SEMA3E: variants seen among roughly 807,000 people sequenced by gnomAD.
SEMA3E encodes semaphorin-3E.
In SEMA3E, 49 loss-of-function variants were observed where a neutral mutation model predicts 93.6. The observed-to-expected ratio is 0.52, with a 90% CI of 0.42 to 0.66. The LOEUF (loss-of-function observed/expected upper bound fraction) is 0.66, where lower values mean the gene tolerates loss of function less well. Among genes scored for constraint, SEMA3E ranks in the 30% least tolerant of loss-of-function variants. The pLI is 0.00. For synonymous variants in SEMA3E, 363 were observed against 330.7 expected (o/e 1.10, Z -1.06); for missense variants, 906 against 964.8 (o/e 0.94, Z 0.81).
At chr7:83,450,971 C>T (rs1789347565) in intron 4 of SEMA3E, among the ~76,000 whole-genome samples, 1 of 151,884 alleles carries the variant, frequency 6.6e-6, no homozygotes, top group African/African-American at 2.4e-5. Context: ...TTGTAGCTCC[C>T]ATAATCCCCC....
intron 3 of SEMA3E, 134 bp downstream of exon 3, chr7:83,469,109 T>C (rs1355588388): frequency 3.1e-6 from 2 of 646,004 alleles, no homozygotes; most frequent in South Asian, 1.7e-5. Flanking sequence ...TATATGCCTA[T>C]ATATTTTTTC....
Position 83,367,522 on chromosome 7 carries a change from A to C in SEMA3E, c.*64T>G. 6.5e-7 allele frequency: 1 copy of C among 1,535,118 alleles called. No homozygotes were observed. On this transcript the variant is annotated 3_prime_UTR_variant, in exon 17 of 17. Coordinates refer to ENST00000643230, the MANE Select transcript of SEMA3E (RefSeq NM_012431.3). ...GTAATGCAAAGAAGTTGGATGATTTATTTTTTTACTTTTTTACTTTCCAAA... is the reference window on the plus strand; with the variant it reads ...GTAATGCAAAGAAGTTGGATGATTTCTTTTTTTACTTTTTTACTTTCCAAA...
At chr7:83,444,599 T>C (rs529699908) in intron 4 of SEMA3E, among the ~76,000 whole-genome samples, 1 of 151,906 alleles carries the variant, frequency 6.6e-6, no homozygotes, top group South Asian at 2.1e-4. Context: ...CATGCAATGT[T>C]GGAAAACACG....
chr7:83,403,205 A>G (rs1788264413), intron 9 of SEMA3E, among the ~76,000 whole-genome samples: 2 of 151,992 alleles, frequency 1.3e-5, no homozygotes, highest in South Asian at 2.1e-4. Flanking sequence ...TAATATTGCT[A>G]CAAATTCTAT....
In SEMA3E at chr7:83,539,855, CTGTGTGTG is replaced by C. The variant is rs59200828; in HGVS notation, c.116-49589_116-49582del. The stretch of plus-strand genomic sequence containing the variant: ...ACTTTTTTGTTTTGTTTTGTTGTTT[CTGTGTGTG>C]TGTGTGTGTGTGTGTGTGTGTGTGT... On this transcript the variant is annotated intron_variant, in intron 1 of 16. Transcript: ENST00000643230. Among the ~76,000 whole-genome samples the C allele has an allele frequency of 8.0e-4, 98 of 122,748 alleles. 1 individual carries two copies. Among genetic ancestry groups the C allele is most frequent in the South Asian group, 2.9e-4 (1 of 3,502 alleles). 80.5% of individuals were successfully genotyped at this position (122,748 alleles called of 152,430 possible). A position where few individuals can be genotyped will look rare whatever the true frequency, so the allele number is the denominator to read the frequency against.
intron 4 of SEMA3E, among the ~76,000 whole-genome samples, chr7:83,436,969 C>T (rs1443218186): frequency 1.3e-5 from 2 of 152,086 alleles, no homozygotes; most frequent in African/African-American, 4.8e-5. Flanking sequence ...TTATGTCTTA[C>T]ATGGATGGCA....
intron 1 of SEMA3E, among the ~76,000 whole-genome samples, chr7:83,597,503 A>G (rs1216869531): frequency 1.3e-5 from 2 of 152,108 alleles, no homozygotes; most frequent in East Asian, 3.9e-4. Context: ...CCATTTTACT[A>G]TCTTAACTGT....
chr7:83,437,492 T>C (rs1362124940), intron 4 of SEMA3E, among the ~76,000 whole-genome samples: 1 of 151,966 alleles, frequency 6.6e-6, no homozygotes, highest in East Asian at 1.9e-4. Flanking sequence ...TAACATAAAC[T>C]TTTTTTCACT....
chr7:83,648,549 G>T lies in SEMA3E; in HGVS notation c.-7C>A. ...TGTGCCCCGCGGATGCCATGCTGCC[G>T]TGTTCACCGTCCAAGCCCTCGCTCC... is the stretch of plus-strand genomic sequence containing the variant. On this transcript the variant is annotated 5_prime_UTR_variant, in exon 1 of 17. Transcript: ENST00000643230. 1.2e-6 allele frequency: 2 copies of T among 1,604,266 alleles called. No individual in the cohort carries two copies. Among genetic ancestry groups the T allele is most frequent in the Admixed American group, 1.7e-5 (1 of 59,892 alleles).
chr7:83,612,661 A>G (rs2115590375), intron 1 of SEMA3E: 1 of 152,148 alleles, frequency 6.6e-6, no homozygotes, highest in South Asian at 2.1e-4. Context: ...TCCTTGCTTA[A>G]TTTAGCCCTG....
chr7:83,646,001 G>A (rs1216807151), intron 1 of SEMA3E, among the ~76,000 whole-genome samples: 1 of 151,940 alleles, frequency 6.6e-6, no homozygotes, highest in African/African-American at 2.4e-5. Flanking sequence ...AAAAATGCCT[G>A]CCTTTCTCCC....
rs1789384878 is a variant in SEMA3E, at chr7:83,452,434, A to G, written c.456+14048T>C. 2.6e-5 allele frequency among the ~76,000 whole-genome samples: 4 copies of G among 152,220 alleles called. No homozygotes were observed. The South Asian group carries it at 8.3e-4, about 32-fold the overall frequency. On this transcript the variant is annotated intron_variant, in intron 4 of 16. Transcript: ENST00000643230. ...TGCCTCTCCCGCTCCCTCATTCCCT[A>G]GAGGCCACCTGCAGGGCTGCTCAGC...
At chr7:83,519,615 T>C (rs535227377) in intron 1 of SEMA3E, among the ~76,000 whole-genome samples, 27 of 152,292 alleles carry the variant, frequency 1.8e-4, no homozygotes, top group Admixed American at 1.6e-3. Context: ...TCAGACTGAG[T>C]AACTGCTGCT....
chr7:83,385,168 C>A, intron 16 of SEMA3E, 126 bp downstream of exon 16: 1 of 886,010 alleles, frequency 1.1e-6, no homozygotes, highest in Non-Finnish European at 1.7e-6. Flanking sequence ...ATAAAACTGA[C>A]TTATTAAATA....
intron 12 of SEMA3E, among the ~76,000 whole-genome samples, chr7:83,394,728 T>C (rs111754372): frequency 6.6e-6 from 1 of 152,224 alleles, no homozygotes; most frequent in South Asian, 2.1e-4. Context: ...ATAGGTGTTA[T>C]TGCTAATAAA....
At chr7:83,626,947 C>T (rs1793682225) in intron 1 of SEMA3E, among the ~76,000 whole-genome samples, 1 of 152,094 alleles carries the variant, frequency 6.6e-6, no homozygotes, top group Non-Finnish European at 1.5e-5. Context: ...TTATTTCTGC[C>T]TTAATTTCGT....
intron 2 of SEMA3E, among the ~76,000 whole-genome samples, chr7:83,477,926 CTTT>C (rs11310519): frequency 1.4e-5 from 2 of 147,548 alleles, no homozygotes; most frequent in Non-Finnish European, 3.0e-5. Flanking sequence ...GTAATTTTGG[CTTT>C]TTTTTTTTGA....
chr7:83,489,331 G>C (rs1354122550), intron 2 of SEMA3E, among the ~76,000 whole-genome samples: 1 of 151,630 alleles, frequency 6.6e-6, no homozygotes, highest in Non-Finnish European at 1.5e-5. Context: ...GAAACAACAA[G>C]AAGTTTAAAA....
chr7:83,641,011 G>A (rs1410629102), intron 1 of SEMA3E, among the ~76,000 whole-genome samples: 1 of 152,160 alleles, frequency 6.6e-6, no homozygotes, highest in Non-Finnish European at 1.5e-5. Flanking sequence ...AGGAGAGAAT[G>A]TAGATGAAAG....
Sources: allele counts gnomAD v4.1 joint callset (sites outside exome capture counted in the v4.1 genomes callset), GRCh38; gene constraint gnomAD v4.1.1; transcripts MANE v1.5; gene names NCBI Gene and HGNC (gene_info 2026-07-23, HGNC 2026-07-21).